Variants in SHROOM3 observed in about 807,000 individuals in gnomAD.
SHROOM3 encodes the protein shroom family member 3.
In SHROOM3, 47 loss-of-function variants were observed where a neutral mutation model predicts 138.6. That is an observed-to-expected ratio of 0.34 (90% CI 0.27 to 0.43). The LOEUF (loss-of-function observed/expected upper bound fraction) is 0.43, where lower values mean the gene tolerates loss of function less well. Ranked by LOEUF, SHROOM3 falls within the 20% of genes least tolerant of loss-of-function variation. The pLI, the probability that SHROOM3 is intolerant of heterozygous loss-of-function variation, is 1.00. For missense variants in SHROOM3, 2,491 were observed against 2,596.5 expected, an observed-to-expected ratio of 0.96 and a Z score of 0.88; for synonymous variants, 1,062 against 1,063.3, an observed-to-expected ratio of 1.00 and a Z score of 0.02.
At chr4:76,643,061 G>C (rs1735716541) in intron 2 of SHROOM3, among the ~76,000 whole-genome samples, 1 of 151,934 alleles carries the variant, frequency 6.6e-6, no homozygotes, top group Non-Finnish European at 1.5e-5. Context: ...TACAAAAGTA[G>C]CCGGCCGTAG....
chr4:76,598,088 C>T (rs145127289), intron 2 of SHROOM3, among the ~76,000 whole-genome samples: 6,206 of 150,520 alleles, frequency 0.041, 435 homozygotes, highest in African/African-American at 0.14. Context: ...TGCAGTGGCA[C>T]GATCTCTGCT....
At chr4:76,735,868 A>AAATATATATATAT (rs1553944040) in intron 4 of SHROOM3, among the ~76,000 whole-genome samples, 1 of 18,804 alleles carries the variant, frequency 5.3e-5, no homozygotes, top group Admixed American at 9.2e-4. Context: ...AAAAAAAAAA[A>AAATATATATATAT]ATATATATAT....
chr4:76,553,985 AT>A (rs1733423626), intron 1 of SHROOM3, among the ~76,000 whole-genome samples: 1 of 152,224 alleles, frequency 6.6e-6, no homozygotes, highest in Non-Finnish European at 1.5e-5. Flanking sequence ...CCCATAGTTT[AT>A]AGTAGGTTCA....
At position 76,780,001 on chromosome 4, in the gene SHROOM3, T is replaced by C. The variant is rs928479572; in HGVS notation, c.*824T>C. On this transcript the variant is annotated 3_prime_UTR_variant, in exon 11 of 11. Coordinates refer to ENST00000296043, the MANE Select transcript of SHROOM3 (RefSeq NM_020859.4). ...ATTATCACTGGTGGGGAAACAAAGC[T>C]AAATTTTATTAACAAAGACAACTCT... 1 of 152,296 alleles carries C rather than the reference T, an allele frequency of 6.6e-6. No individual in the cohort carries two copies. The highest frequency in any genetic ancestry group is 1.5e-5 in the Non-Finnish European group (1 of 68,042). The allele number at this position is 152,296 out of a possible 1,614,324, so 9.4% of individuals were successfully genotyped here. A position where few individuals can be genotyped will look rare whatever the true frequency, so the allele number is the denominator to read the frequency against.
At chr4:76,663,885 G>T (rs1236903638) in intron 2 of SHROOM3, among the ~76,000 whole-genome samples, 1 of 152,138 alleles carries the variant, frequency 6.6e-6, no homozygotes, top group East Asian at 1.9e-4. Context: ...AGTTCCAACT[G>T]GTTCACTTTC....
intron 2 of SHROOM3, among the ~76,000 whole-genome samples, chr4:76,694,499 C>T (rs1226974142): frequency 6.6e-6 from 1 of 152,074 alleles, no homozygotes; most frequent in Non-Finnish European, 1.5e-5. Flanking sequence ...TTATTCCTTA[C>T]TAAAAATAGC....
At chr4:76,542,656 C>T (rs140932787) in intron 1 of SHROOM3, among the ~76,000 whole-genome samples, 3,582 of 152,306 alleles carry the variant, frequency 0.024, 58 homozygotes, top group Non-Finnish European at 0.034. Context: ...CAATTCTACC[C>T]TGGAATCTCC....
intron 1 of SHROOM3, among the ~76,000 whole-genome samples, chr4:76,509,091 A>T (rs1732276826): frequency 2.0e-5 from 3 of 152,316 alleles, no homozygotes; most frequent in South Asian, 4.1e-4. Flanking sequence ...TTAGATCCTA[A>T]CATGAATTTT....
In SHROOM3 at chr4:76,782,437, C is replaced by A. The variant is rs2109803142; in HGVS notation, c.*3260C>A. Reference sequence around the variant, plus strand: ...GGGACATCCCAGTTTTCCTATTCCTCCACTGTTAATATCTCATCTAAAATA... The same window carrying A: ...GGGACATCCCAGTTTTCCTATTCCTACACTGTTAATATCTCATCTAAAATA... On this transcript the variant is annotated 3_prime_UTR_variant, in exon 11 of 11. Transcript: ENST00000296043. 6.6e-6 allele frequency: 1 copy of A among 152,284 alleles called. No individual in the cohort carries two copies. The highest frequency in any genetic ancestry group is 1.5e-5 in the Non-Finnish European group (1 of 68,028). The allele number at this position is 152,284 out of a possible 1,614,324, so 9.4% of individuals were successfully genotyped here.
intron 2 of SHROOM3, 127 bp downstream of exon 2, chr4:76,555,890 G>A: frequency 9.5e-7 from 1 of 1,048,232 alleles, no homozygotes; most frequent in Non-Finnish European, 1.4e-6. Context: ...TATGGATCCT[G>A]CCTTTTTTTC....
At chr4:76,656,738 C>A (rs1225578640) in intron 2 of SHROOM3, among the ~76,000 whole-genome samples, 1 of 152,194 alleles carries the variant, frequency 6.6e-6, no homozygotes, top group Non-Finnish European at 1.5e-5. Flanking sequence ...GGATCTGTAC[C>A]AATGTCTGTC....
chr4:76,538,683 A>G (rs933039257), intron 1 of SHROOM3, among the ~76,000 whole-genome samples: 1 of 152,078 alleles, frequency 6.6e-6, no homozygotes, highest in African/African-American at 2.4e-5. Context: ...TTAAGGGCCT[A>G]CTCTACTTTT....
At chr4:76,481,697 C>T (rs1168745703) in intron 1 of SHROOM3, among the ~76,000 whole-genome samples, 7 of 152,114 alleles carry the variant, frequency 4.6e-5, no homozygotes, top group African/African-American at 7.2e-5. Context: ...AGAGACACAA[C>T]AAAAAATGAA....
rs562886456 is a variant in SHROOM3 at position 76,780,221 on chromosome 4, A to T, written c.*1044A>T. 15 of 152,258 alleles carry T rather than the reference A, an allele frequency of 9.9e-5. No individual in the cohort carries two copies. The highest frequency in any genetic ancestry group is 2.2e-4 in the Non-Finnish European group (15 of 68,016). 9.4% of individuals were successfully genotyped at this position (152,258 alleles called of 1,614,324 possible). A position where few individuals can be genotyped will look rare whatever the true frequency, so the allele number is the denominator to read the frequency against. ...ACTTTGATTAAAAACTGCCTCCTTA[A>T]CCTCTGAAGACTGATTTTGCTTTAT... On this transcript the variant is annotated 3_prime_UTR_variant, in exon 11 of 11. Coordinates refer to ENST00000296043, the MANE Select transcript of SHROOM3 (RefSeq NM_020859.4).
chr4:76,478,428 A>T (rs1731534821), intron 1 of SHROOM3, among the ~76,000 whole-genome samples: 1 of 152,210 alleles, frequency 6.6e-6, no homozygotes, highest in African/African-American at 2.4e-5. Flanking sequence ...GCCTCTCTAG[A>T]TTCTGCCTCT....
intron 1 of SHROOM3, among the ~76,000 whole-genome samples, chr4:76,445,383 GAA>G (rs1254311267): frequency 6.6e-6 from 1 of 151,904 alleles, no homozygotes; most frequent in Non-Finnish European, 1.5e-5. Context: ...GTATTATTAA[GAA>G]AAAAAATACC....
At chr4:76,571,027 G>A (rs1041389194) in intron 2 of SHROOM3, among the ~76,000 whole-genome samples, 2 of 152,150 alleles carry the variant, frequency 1.3e-5, no homozygotes, top group Admixed American at 6.6e-5. Context: ...CCTACTTACA[G>A]GAATCATTTT....
intron 2 of SHROOM3, chr4:76,587,255 T>C (rs1051093087): frequency 5.3e-5 from 8 of 152,308 alleles, no homozygotes; most frequent in Admixed American, 3.9e-4. Flanking sequence ...TAATTGAAGA[T>C]TGATAAAAAA....
intron 2 of SHROOM3, among the ~76,000 whole-genome samples, chr4:76,681,594 G>GGGGTGT (rs1553936165): frequency 0.024 from 1,919 of 81,092 alleles, 51 homozygotes; most frequent in East Asian, 0.037. Flanking sequence ...CAGAGTCTAG[G>GGGGTGT]GTGTGTGTGT....
Sources: allele counts gnomAD v4.1 joint callset (sites outside exome capture counted in the v4.1 genomes callset), GRCh38; gene constraint gnomAD v4.1.1; transcripts MANE v1.5; gene names NCBI Gene and HGNC (gene_info 2026-07-23, HGNC 2026-07-21).